Variants in TTLL6 observed in about 807,000 individuals in gnomAD.
TTLL6 encodes the protein tubulin polyglutamylase TTLL6.
Under a neutral mutation model 96.4 loss-of-function variants are expected in TTLL6, and 75 were observed. The ratio of observed to expected loss-of-function variants is 0.78; its 90% CI spans 0.65 to 0.94. The LOEUF (loss-of-function observed/expected upper bound fraction) is 0.94, where lower values mean the gene tolerates loss of function less well. Ranked by LOEUF, TTLL6 falls within the 40% of genes least tolerant of loss-of-function variation. TTLL6 has a pLI of 0.00. For missense variants in TTLL6, 1,030 were observed against 1,093.0 expected (o/e 0.94, Z 0.81); for synonymous variants, 411 against 419.4 (o/e 0.98, Z 0.24).
At chr17:48,783,217 TG>T (rs1447155934) in intron 13 of TTLL6, among the ~76,000 whole-genome samples, 2 of 152,156 alleles carry the variant, frequency 1.3e-5, no homozygotes, top group African/African-American at 4.8e-5. Context: ...TGAAAAGCAT[TG>T]CCCTACTCTC....
intron 9 of TTLL6, among the ~76,000 whole-genome samples, chr17:48,790,915 G>A (rs1278292032): frequency 2.0e-5 from 3 of 152,146 alleles, no homozygotes; most frequent in Non-Finnish European, 1.5e-5. Context: ...GGGGAGGCAG[G>A]AAACTCACTA....
intron 1 of TTLL6, among the ~76,000 whole-genome samples, chr17:48,809,707 T>A (rs527446470): frequency 2.6e-4 from 40 of 151,794 alleles, no homozygotes; most frequent in African/African-American, 8.9e-4. Context: ...AAAAAAAAAA[T>A]TAGCTGAGTG....
rs778982057 is a variant in TTLL6 at position 48,801,563 on chromosome 17, C to T, written c.442G>A (p.Val148Met). The change falls in exon 4 of 16, where the codon GTG becomes ATG. Residue 148 changes from valine (V) to methionine (M), a missense_variant. Physicochemically the swap from Val to Met is conservative, Grantham distance 21. Transcript: ENST00000393382. Reference sequence around the variant, plus strand: ...ATTTCCATCACCCGCTCCAGTGACACTGAGTAATCTGTCCAATAGAGAGTC... The same window carrying T: ...ATTTCCATCACCCGCTCCAGTGACATTGAGTAATCTGTCCAATAGAGAGTC... ...DWTLYWTDYS[V>M]SLERVMEMKS... The T allele has an allele frequency of 1.9e-5, 29 of 1,551,940 alleles. No individual in the cohort carries two copies. Among genetic ancestry groups the T allele is most frequent in the East Asian group, 4.9e-5 (2 of 40,914 alleles).
chr17:48,804,113 A>C, intron 2 of TTLL6, 185 bp from the exon 3 acceptor site: 1 of 638,124 alleles, frequency 1.6e-6, no homozygotes, highest in Non-Finnish European at 2.8e-6. Flanking sequence ...GGTGGAAAAC[A>C]TGGCATCAGG....
At chr17:48,799,876 C>A in intron 5 of TTLL6, 116 bp from the exon 6 acceptor site, 1 of 899,120 alleles carries the variant, frequency 1.1e-6, no homozygotes, top group Non-Finnish European at 1.7e-6. Context: ...ATCCCTGGCA[C>A]TGACAGATGC....
At position 48,769,994 on chromosome 17, in the gene TTLL6, C is replaced by T. The variant is rs750444051; in HGVS notation, c.2144G>A (p.Gly715Asp). Residue 715 changes from glycine (G) to aspartate (D), a missense_variant, in exon 14 of 16, where the codon GGC (glycine) becomes GAC (aspartate). Gly to Asp is a moderately conservative substitution (Grantham distance 94). Transcript: ENST00000393382. Reference protein sequence around the residue: ...LAVTASSEYSGPETDRVVSFK... With the variant: ...LAVTASSEYSDPETDRVVSFK... ...GGATACCACCCTGTCCGTCTCTGGG[C>T]CACTGTACTCAGAGCTGGCGGTCAC... 2 of 1,614,092 alleles carry T rather than the reference C, an allele frequency of 1.2e-6. No individual in the cohort carries two copies. The highest frequency in any genetic ancestry group is 4.5e-5 in the East Asian group (2 of 44,876).
chr17:48,790,100 G>A lies in TTLL6; in HGVS notation c.1231C>T (p.His411Tyr). Residue 411 changes from histidine to tyrosine, a missense_variant, in exon 10 of 16, where the codon CAC (histidine) becomes TAC (tyrosine). His to Tyr is a moderately conservative substitution (Grantham distance 83). Coordinates refer to ENST00000393382, the MANE Select transcript of TTLL6 (RefSeq NM_001130918.3). Reference protein sequence around the residue: ...KLKPWLLEVNHSPSFSTDSRL... With the variant: ...KLKPWLLEVNYSPSFSTDSRL... ...GAGTCGGTGGAGAAGCTTGGAGAGT[G>A]GTTGACCTGTGAGGGCAAGATTGGC... The A allele has an allele frequency of 6.2e-7, 1 of 1,613,448 alleles. No individual in the cohort carries two copies. Among genetic ancestry groups the A allele is most frequent in the Non-Finnish European group, 8.5e-7 (1 of 1,179,728 alleles).
intron 13 of TTLL6, among the ~76,000 whole-genome samples, chr17:48,774,314 T>C (rs68169424): frequency 0.31 from 44,358 of 143,256 alleles, 7,221 homozygotes; most frequent in Admixed American, 0.4. Flanking sequence ...CAGGCGCACA[T>C]TGCCACGCCC....
At chr17:48,809,826 A>G (rs2143484549) in intron 1 of TTLL6, among the ~76,000 whole-genome samples, 1 of 152,186 alleles carries the variant, frequency 6.6e-6, no homozygotes, top group African/African-American at 2.4e-5. Flanking sequence ...ACTGCACTCC[A>G]GCCTGGATGA....
In TTLL6 at chr17:48,816,926, A is replaced by G. The variant is rs1032082192; in HGVS notation, c.103+44T>C. ...AGGTTTTCAGGGGACAGGCACCAGG[A>G]GGCTGCGGTCTGGAGCCAGCACCGG... On this transcript the variant is annotated intron_variant, in intron 1 of 15. Transcript: ENST00000393382. 3.6e-6 allele frequency: 5 copies of G among 1,407,304 alleles called. No individual in the cohort carries two copies. In the African/African-American group the frequency reaches 5.8e-5, roughly 16 times the overall value. 87.2% of individuals were successfully genotyped at this position (1,407,304 alleles called of 1,614,324 possible). A position where few individuals can be genotyped will look rare whatever the true frequency, so the allele number is the denominator to read the frequency against.
At chr17:48,814,894 C>T (rs1471925414) in intron 1 of TTLL6, among the ~76,000 whole-genome samples, 1 of 152,198 alleles carries the variant, frequency 6.6e-6, no homozygotes, top group Non-Finnish European at 1.5e-5. Flanking sequence ...ATTCTCCCGC[C>T]TTAGCTTCCC....
chr17:48,803,025 C>T (rs974653213), intron 3 of TTLL6, among the ~76,000 whole-genome samples: 4 of 151,972 alleles, frequency 2.6e-5, no homozygotes, highest in African/African-American at 7.3e-5. Flanking sequence ...ACAAAATTAG[C>T]TGGGCGAGGT....
intron 2 of TTLL6, 188 bp from the exon 3 acceptor site, chr17:48,804,116 G>A (rs1567734774): frequency 1.6e-6 from 1 of 633,148 alleles, no homozygotes; most frequent in East Asian, 2.8e-5. Context: ...GGAAAACATG[G>A]CATCAGGGTA....
intron 7 of TTLL6, 58 bp downstream of exon 7, chr17:48,797,000 ATTT>A: frequency 3.8e-6 from 4 of 1,044,946 alleles, no homozygotes; most frequent in Admixed American, 3.2e-5. Context: ...TTTAACTAGA[ATTT>A]TTTTTTTTTT....
intron 13 of TTLL6, among the ~76,000 whole-genome samples, chr17:48,771,623 C>A (rs1223916702): frequency 2.0e-5 from 3 of 151,358 alleles, no homozygotes; most frequent in East Asian, 1.9e-4. Flanking sequence ...CAGAGCAAGA[C>A]CCTGACTAAA....
At chr17:48,808,183 C>T (rs57693536) in intron 1 of TTLL6, among the ~76,000 whole-genome samples, 22,742 of 152,156 alleles carry the variant, frequency 0.15, 1,934 homozygotes, top group African/African-American at 0.22. Flanking sequence ...AAAGAATGCA[C>T]CTGAGTGTAT....
At position 48,789,944 on chromosome 17, in the gene TTLL6, A is replaced by AT. The variant is rs757944916; in HGVS notation, c.1386_1387insA (p.Ser463IlefsTer7). On this transcript the variant is annotated frameshift_variant, in exon 10 of 16. Transcript: ENST00000393382. LOFTEE classifies it high-confidence loss of function. The stretch of plus-strand genomic sequence containing the variant: ...GTGCGAATGTACCTCATCTCCCGAG[A>AT]ACAACACTGCTGCAGGAACTGCCCC... 2.5e-6 allele frequency: 4 copies of AT among 1,614,122 alleles called. No homozygotes were observed. The South Asian group carries it at 4.4e-5, about 18-fold the overall frequency.
chr17:48,769,963 T>C lies in TTLL6; in HGVS notation c.2175A>G (p.Lys725=), dbSNP rs1567714560. 5 of 1,614,172 alleles carry C rather than the reference T, an allele frequency of 3.1e-6. No individual in the cohort carries two copies. Among genetic ancestry groups the C allele is most frequent in the East Asian group, 4.5e-5 (2 of 44,884 alleles). The part of the protein sequence containing the change: ...GPETDRVVSF[K]CKKQQTPPHL... ...GTGGAGGGGTCTGCTGCTTCTTGCA[T>C]TTAAAGGATACCACCCTGTCCGTCT... The change falls in exon 14 of 16, where the codon AAA becomes AAG. Residue 725 remains lysine, a synonymous_variant. Transcript: ENST00000393382.
intron 11 of TTLL6, 138 bp from the exon 12 acceptor site, chr17:48,786,473 C>CA (rs780340246): frequency 4.1e-6 from 4 of 982,756 alleles, no homozygotes; most frequent in Non-Finnish European, 6.2e-6. Flanking sequence ...CCAGTCTGCA[C>CA]AAGTGATTGA....
Sources: gnomAD v4.1 joint callset for allele counts (sites outside exome capture counted in the v4.1 genomes callset) on GRCh38, gnomAD v4.1.1 for gene constraint, MANE v1.5 for transcripts, NCBI Gene and HGNC (gene_info 2026-07-23, HGNC 2026-07-21) for gene names.